Variants in MYH4 observed in about 807,000 individuals in gnomAD.
MYH4 encodes myosin-4.
MYH4 carries 200 observed loss-of-function variants against 229.9 expected under a neutral mutation model. The observed-to-expected ratio is 0.87, with a 90% CI of 0.78 to 0.98. The LOEUF is 0.98. MYH4 is among the 50% of genes least tolerant of loss of function. The pLI is 0.00. For missense variants in MYH4, 2,148 were observed against 2,332.6 expected (o/e 0.92, Z 1.63); for synonymous variants, 761 against 834.6 (o/e 0.91, Z 1.52).
intron 35 of MYH4, among the ~76,000 whole-genome samples, chr17:10,446,027 CAAAAA>C (rs35896304): frequency 1.5e-5 from 1 of 68,548 alleles, no homozygotes. Context: ...GACCCCTTCT[CAAAAA>C]AAAAAAAAAA....
intron 24 of MYH4, 41 bp downstream of exon 24, chr17:10,453,111 T>G: frequency 1.2e-6 from 2 of 1,612,340 alleles, no homozygotes; most frequent in South Asian, 2.2e-5. Context: ...CACAATTGTT[T>G]ATTTCATTGC....
chr17:10,449,145 G>A, intron 30 of MYH4, 98 bp from the exon 31 acceptor site: 1 of 1,028,500 alleles, frequency 9.7e-7, no homozygotes, highest in South Asian at 1.6e-5. Flanking sequence ...TTCCCCAAGA[G>A]TTGTCTACAA....
chr17:10,444,708 G>A lies in MYH4; in HGVS notation c.5572-9C>T, dbSNP rs763965549. On this transcript the variant is annotated splice_polypyrimidine_tract_variant and intron_variant, in intron 38 of 39. Coordinates refer to ENST00000255381, the MANE Select transcript of MYH4 (RefSeq NM_017533.2). ...TTGCGGTCCTCCTCAGTCTGAAAGA[G>A]GTGCAAGTAGATGGTGCCATTATTT... The A allele has an allele frequency of 3.1e-6, 5 of 1,613,184 alleles. No individual in the cohort carries two copies. The highest frequency in any genetic ancestry group is 4.2e-6 in the Non-Finnish European group (5 of 1,179,502).
chr17:10,456,592 A>G, intron 16 of MYH4, 37 bp from the exon 17 acceptor site: 6 of 1,566,140 alleles, frequency 3.8e-6, no homozygotes, highest in Non-Finnish European at 5.3e-6. Context: ...GTTATTTGCA[A>G]CTGCCTTTTA....
At chr17:10,451,745 A>C (rs1477860853) in intron 27 of MYH4, among the ~76,000 whole-genome samples, 196 bp downstream of exon 27, 1 of 152,136 alleles carries the variant, frequency 6.6e-6, no homozygotes, top group African/African-American at 2.4e-5. Flanking sequence ...TGGTAATAGT[A>C]TCAAAGGTTA....
In MYH4 at chr17:10,463,559, A is replaced by G. The variant is rs2072726259; in HGVS notation, c.733T>C (p.Ser245Pro). The change falls in exon 8 of 40, where the codon TCT becomes CCT. Residue 245 changes from serine (S) to proline (P), a missense_variant. Physicochemically the swap from Ser to Pro is moderately conservative, Grantham distance 74. Transcript: ENST00000255381. ...AAGATCAAGAGACTTACAAAGCGAG[A>G]GGAGTTGTCATTCCTCACGGTCTTG... ...NAKTVRNDNS[S>P]RFGKFIRIHF... The G allele has an allele frequency of 6.2e-7, 1 of 1,612,036 alleles. No homozygotes were observed. Among genetic ancestry groups the G allele is most frequent in the Non-Finnish European group, 8.5e-7 (1 of 1,178,064 alleles).
chr17:10,465,247 C>G lies in MYH4; in HGVS notation c.505+195G>C, dbSNP rs192309271. On this transcript the variant is annotated intron_variant, in intron 5 of 39. Coordinates refer to ENST00000255381, the MANE Select transcript of MYH4 (RefSeq NM_017533.2). ...CTCTATTTTTGGAACTAGTGCTTAG[C>G]ATAGAAATCTAAGCAAAACTTCTTC... 2.2e-3 allele frequency among the ~76,000 whole-genome samples: 342 copies of G among 152,274 alleles called. 2 individuals are homozygous for G. The highest frequency in any genetic ancestry group is 2.7e-3 in the Non-Finnish European group (185 of 68,006).
intron 11 of MYH4, among the ~76,000 whole-genome samples, chr17:10,461,833 A>G (rs776934504): frequency 1.6e-4 from 24 of 152,186 alleles, no homozygotes; most frequent in Admixed American, 3.3e-4. Flanking sequence ...AGAGGAAAAT[A>G]TGTTTATTTA....
intron 17 of MYH4, among the ~76,000 whole-genome samples, chr17:10,456,238 G>A (rs1428004076): frequency 6.6e-6 from 1 of 152,186 alleles, no homozygotes; most frequent in African/African-American, 2.4e-5. Flanking sequence ...TCTCTTGGAT[G>A]TAGGGCTCAG....
rs781387660 is a variant in MYH4, at chr17:10,453,697, G to A, written c.2880C>T (p.Asp960=). 5.0e-6 allele frequency: 8 copies of A among 1,613,898 alleles called. No individual in the cohort carries two copies. The highest frequency in any genetic ancestry group is 6.8e-6 in the Non-Finnish European group (8 of 1,179,998). ...ECSELKKDID[D]LELTLAKVEK... is the part of the protein sequence containing the mutation. ...CAACCTTGGCCAGTGTCAGCTCAAG[G>A]TCATCAATGTCTTTCTTGAGCTCTG... is the stretch of plus-strand genomic sequence containing the variant. Residue 960 remains aspartate, a synonymous_variant, in exon 23 of 40, where the codon GAC becomes GAT. Coordinates refer to ENST00000255381, the MANE Select transcript of MYH4 (RefSeq NM_017533.2).
Position 10,453,740 on chromosome 17 carries a change from T to A in MYH4, c.2837A>T (p.Lys946Ile). The A allele has an allele frequency of 1.2e-6, 2 of 1,614,098 alleles. No homozygotes were observed. Among genetic ancestry groups the A allele is most frequent in the South Asian group, 2.2e-5 (2 of 91,072 alleles). The stretch of plus-strand genomic sequence containing the variant: ...GAGCTCTGAACATTCATCCTCCAGT[T>A]TCCTCTTCTTGGCTGTCAGCTCAGC... ...INAELTAKKR[K>I]LEDECSELKK... The change falls in exon 23 of 40, where the codon AAA (lysine) becomes ATA (isoleucine). Residue 946 changes from lysine to isoleucine, a missense_variant. Lys to Ile is a moderately radical substitution (Grantham distance 102, BLOSUM62 -3). Transcript: ENST00000255381.
intron 22 of MYH4, 24 bp from the exon 23 acceptor site, chr17:10,453,909 T>G (rs759935496): frequency 2.8e-5 from 45 of 1,613,056 alleles, no homozygotes; most frequent in Non-Finnish European, 3.8e-5. Context: ...TTAAGCATTT[T>G]CATTTGTCTG....
intron 14 of MYH4, among the ~76,000 whole-genome samples, 168 bp from the exon 15 acceptor site, chr17:10,459,589 A>G (rs774918182): frequency 1.3e-5 from 2 of 152,162 alleles, no homozygotes; most frequent in Admixed American, 6.5e-5. Context: ...GATTCTTTGA[A>G]TACTTATTTT....
chr17:10,446,995 CAT>C lies in MYH4; in HGVS notation c.5169+16_5169+17del. The C allele has an allele frequency of 6.2e-7, 1 of 1,609,124 alleles. No individual in the cohort carries two copies. Among genetic ancestry groups the C allele is most frequent in the Non-Finnish European group, 8.5e-7 (1 of 1,176,576 alleles). ...GCTTCAGGGAGTACATTTTCTAAAC[CAT>C]AGTCTTGAACCTCACCTGAGTGTGC... On this transcript the variant is annotated intron_variant, in intron 35 of 39. Coordinates refer to ENST00000255381, the MANE Select transcript of MYH4 (RefSeq NM_017533.2).
Position 10,455,019 on chromosome 17 carries a change from G to A in MYH4, c.2357C>T (p.Ala786Val), listed in dbSNP as rs774426815. The change falls in exon 21 of 40, where the codon GCT (alanine) becomes GTT (valine). Residue 786 changes from alanine (A) to valine (V), a missense_variant. By Grantham distance (64) the Ala-to-Val change is moderately conservative. Transcript: ENST00000255381. ...TLEEMRDEKLAQLITRTQAIC... is the reference protein window; with the variant it reads ...TLEEMRDEKLVQLITRTQAIC... Reference sequence around the variant, plus strand: ...GGCTTGAGTGCGCGTGATGAGTTGAGCTAGCTTTTCATCTCGCATTTCCTC... The same window carrying A: ...GGCTTGAGTGCGCGTGATGAGTTGAACTAGCTTTTCATCTCGCATTTCCTC... The A allele has an allele frequency of 6.2e-7, 1 of 1,614,198 alleles. No individual in the cohort carries two copies. The highest frequency in any genetic ancestry group is 2.2e-5 in the East Asian group (1 of 44,886).
At chr17:10,465,677 A>T in intron 4 of MYH4, 79 bp from the exon 5 acceptor site, 2 of 1,559,070 alleles carry the variant, frequency 1.3e-6, no homozygotes. Flanking sequence ...GGGCAAGTAG[A>T]GCAGGACCTA....
chr17:10,465,360 C>T, intron 5 of MYH4, 82 bp downstream of exon 5: 1 of 1,517,538 alleles, frequency 6.6e-7, no homozygotes, highest in Admixed American at 1.7e-5. Flanking sequence ...CAGTTATTCT[C>T]AGAATACTAG....
In MYH4 at chr17:10,455,203, T is replaced by C. The variant is rs764621209; in HGVS notation, c.2267A>G (p.Asp756Gly). Residue 756 changes from aspartate to glycine, a missense_variant, in exon 20 of 40, where the codon GAC becomes GGC. By Grantham distance (94) the Asp-to-Gly change is moderately conservative. Transcript: ENST00000255381. The part of the protein sequence containing the change: ...SEKLLGSIEI[D>G]HTQYKFGHTK... ...ATGACCGAATTTGTACTGGGTGTGGTCAATTTCAATAGACCCTAGAAGTTT... is the reference window on the plus strand; with the variant it reads ...ATGACCGAATTTGTACTGGGTGTGGCCAATTTCAATAGACCCTAGAAGTTT... The C allele has an allele frequency of 3.1e-6, 5 of 1,614,186 alleles. 1 individual carries two copies. The highest frequency in any genetic ancestry group is 2.2e-5 in the South Asian group (2 of 91,088).
chr17:10,447,914 C>T lies in MYH4; in HGVS notation c.4869G>A (p.Glu1623=). 6.2e-7 allele frequency: 1 copy of T among 1,614,060 alleles called. No homozygotes were observed. The highest frequency in any genetic ancestry group is 8.5e-7 in the Non-Finnish European group (1 of 1,179,994). The change falls in exon 34 of 40, where the codon GAG becomes GAA. Residue 1623 remains glutamate (E), a synonymous_variant. Coordinates refer to ENST00000255381, the MANE Select transcript of MYH4 (RefSeq NM_017533.2). ...NDALRIKKKM[E]GDLNEMEIQL... ...GGATTTCCATTTCATTAAGATCTCC[C>T]TCCATCTTCTTCTTGATCCTCAGAG...
Sources: gnomAD v4.1 joint callset for allele counts (sites outside exome capture counted in the v4.1 genomes callset) on GRCh38, gnomAD v4.1.1 for gene constraint, MANE v1.5 for transcripts, NCBI Gene and HGNC (gene_info 2026-07-23, HGNC 2026-07-21) for gene names.